DLG5: variants seen among roughly 807,000 people sequenced by gnomAD.
DLG5 encodes discs large MAGUK scaffold protein 5, also known as disks large homolog 5.
Under a neutral mutation model 189.8 loss-of-function variants are expected in DLG5, and 48 were observed. That is an observed-to-expected ratio of 0.25 (90% CI 0.20 to 0.32). The LOEUF (loss-of-function observed/expected upper bound fraction) is 0.32, where lower values mean the gene tolerates loss of function less well. Among genes scored for constraint, DLG5 ranks in the 10% least tolerant of loss-of-function variants. The pLI, the probability that DLG5 is intolerant of heterozygous loss-of-function variation, is 1.00. For synonymous variants in DLG5, 1,016 were observed against 1,054.1 expected (o/e 0.96, Z 0.70); for missense variants, 2,160 against 2,544.7 (o/e 0.85, Z 3.25).
chr10:77,830,859 G>T lies in DLG5; in HGVS notation c.1763C>A (p.Ser588Tyr), dbSNP rs545587114. The T allele has an allele frequency of 1.2e-6, 2 of 1,613,950 alleles. No individual in the cohort carries two copies. The highest frequency in any genetic ancestry group is 8.5e-7 in the Non-Finnish European group (1 of 1,180,006). Reference protein sequence around the residue: ...ELKELKEQMESQLEKEARFRQ... With the variant: ...ELKELKEQMEYQLEKEARFRQ... Reference sequence around the variant, plus strand: ...GAACCGGGCCTCCTTTTCCAACTGGGATTCCATCTGTTCCCTGTGAACAGA... The same window carrying T: ...GAACCGGGCCTCCTTTTCCAACTGGTATTCCATCTGTTCCCTGTGAACAGA... The change falls in exon 10 of 32, where the codon TCC becomes TAC. Residue 588 changes from serine to tyrosine, a missense_variant. This residue lies in a region of DLG5 where 664 missense variants were observed against 838.5 expected (regional missense o/e 0.79). Coordinates refer to ENST00000372391, the MANE Select transcript of DLG5 (RefSeq NM_004747.4).
chr10:77,820,991 G>C, intron 15 of DLG5, 91 bp downstream of exon 15: 1 of 1,481,342 alleles, frequency 6.8e-7, no homozygotes, highest in South Asian at 1.4e-5. Flanking sequence ...CAGGGGCCTG[G>C]GACACTGGTG....
chr10:77,897,549 CTGGT>C (rs1845798073), intron 1 of DLG5, among the ~76,000 whole-genome samples: 1 of 151,744 alleles, frequency 6.6e-6, no homozygotes, highest in Admixed American at 6.6e-5. Flanking sequence ...AAGAAAAAAT[CTGGT>C]TGGCTCATGC....
chr10:77,825,374 C>CCACACACAACCA (rs1842574248), intron 13 of DLG5, among the ~76,000 whole-genome samples: 1 of 130,816 alleles, frequency 7.6e-6, no homozygotes, highest in Non-Finnish European at 1.6e-5. Context: ...CCACACACAA[C>CCACACACAACCA]CACACACACA....
intron 1 of DLG5, among the ~76,000 whole-genome samples, chr10:77,888,922 ATCTCCAAACG>A (rs140761555): frequency 0.043 from 6,534 of 152,208 alleles, 293 homozygotes; most frequent in East Asian, 0.26. Context: ...AAACATTCAA[ATCTCCAAACG>A]TCTCCATTCC....
chr10:77,926,527 G>A lies in DLG5; in HGVS notation c.-7C>T, dbSNP rs753673225. On this transcript the variant is annotated 5_prime_UTR_variant, in exon 1 of 32. Transcript: ENST00000372391. The surrounding 1 kb of genome is among the most constrained non-coding windows in gnomAD (Gnocchi z 5.2). The stretch of plus-strand genomic sequence containing the variant: ...CCCGGCGCTGGGGCTCCATGGTGGC[G>A]GGCCGCGCCGCCCCGCCCCGCCGGA... The A allele has an allele frequency of 7.1e-6, 9 of 1,274,068 alleles. No homozygotes were observed. The highest frequency in any genetic ancestry group is 6.2e-5 in the African/African-American group (4 of 64,964). The allele number at this position is 1,274,068 out of a possible 1,614,324, so 78.9% of individuals were successfully genotyped here. A position where few individuals can be genotyped will look rare whatever the true frequency, so the allele number is the denominator to read the frequency against.
chr10:77,868,823 T>C (rs1010455360), intron 2 of DLG5: 6 of 412,750 alleles, frequency 1.5e-5, no homozygotes, highest in African/African-American at 1.1e-4. Flanking sequence ...GGTCACTGAG[T>C]TACTACAAGG....
chr10:77,845,872 G>A (rs1843662700), intron 5 of DLG5, among the ~76,000 whole-genome samples: 1 of 143,960 alleles, frequency 6.9e-6, no homozygotes, highest in South Asian at 2.2e-4. Flanking sequence ...TGCAAAACAG[G>A]AATGCACACT....
the DLG5 span, among the ~76,000 whole-genome samples, chr10:77,933,071 T>C: frequency 6.6e-6 from 1 of 150,952 alleles, no homozygotes; most frequent in African/African-American, 2.5e-5. Context: ...CAGTGCTGTC[T>C]GGGAGCATTA....
intron 2 of DLG5, among the ~76,000 whole-genome samples, chr10:77,859,102 C>T (rs887810485): frequency 1.3e-5 from 2 of 152,186 alleles, no homozygotes; most frequent in African/African-American, 4.8e-5. Flanking sequence ...TCTCAAACTT[C>T]TGAGCTCAAG....
chr10:77,836,831 A>T (rs1843162210), intron 7 of DLG5, among the ~76,000 whole-genome samples: 1 of 149,340 alleles, frequency 6.7e-6, no homozygotes, highest in African/African-American at 2.5e-5. Flanking sequence ...TTCAGTTTTG[A>T]TTTTTTTTTC....
chr10:77,859,598 A>G (rs1032029899), intron 2 of DLG5, among the ~76,000 whole-genome samples: 2 of 152,250 alleles, frequency 1.3e-5, no homozygotes, highest in Non-Finnish European at 2.9e-5. Context: ...TTTGCAGCTC[A>G]GGAGCAACAG....
intron 1 of DLG5, among the ~76,000 whole-genome samples, chr10:77,914,909 C>T (rs1846317949): frequency 6.6e-6 from 1 of 152,192 alleles, no homozygotes; most frequent in Admixed American, 6.5e-5. Context: ...GAATAATGAT[C>T]ACAAAACCAG....
At chr10:77,887,858 C>A (rs1013621932) in intron 1 of DLG5, among the ~76,000 whole-genome samples, 7 of 152,246 alleles carry the variant, frequency 4.6e-5, no homozygotes, top group Admixed American at 2.0e-4. Context: ...CAGAGCCACA[C>A]GCCTTTGTGT....
At chr10:77,844,449 A>G (rs1173496816) in intron 5 of DLG5, among the ~76,000 whole-genome samples, 1 of 152,208 alleles carries the variant, frequency 6.6e-6, no homozygotes, top group Non-Finnish European at 1.5e-5. Flanking sequence ...GAATCTTTTG[A>G]GTCCTCCCAG....
chr10:77,913,566 T>C (rs1846282181), intron 1 of DLG5, among the ~76,000 whole-genome samples: 1 of 152,196 alleles, frequency 6.6e-6, no homozygotes, highest in Non-Finnish European at 1.5e-5. Flanking sequence ...CTCTCTGTTC[T>C]TCCACATGTG....
chr10:77,938,496 A>G, the DLG5 span, among the ~76,000 whole-genome samples: 2 of 152,112 alleles, frequency 1.3e-5, no homozygotes, highest in East Asian at 1.9e-4. Context: ...GGGAGAGGAG[A>G]TTACTTGTTT....
At position 77,841,589 on chromosome 10, in the gene DLG5, C is replaced by T. The variant is rs565809196; in HGVS notation, c.1437+292G>A. On this transcript the variant is annotated intron_variant, in intron 7 of 31. Coordinates refer to ENST00000372391, the MANE Select transcript of DLG5 (RefSeq NM_004747.4). ...TCACTGACTTCAGCATGGGACTGAT[C>T]TGCAATTACGTAGCAATGGGTTTGG... Among the ~76,000 whole-genome samples, 34 of 152,320 alleles carry T rather than the reference C, an allele frequency of 2.2e-4. No homozygotes were observed. In the South Asian group the frequency reaches 7.0e-3, roughly 32 times the overall value.
chr10:77,825,750 T>A (rs1313569936), intron 13 of DLG5, among the ~76,000 whole-genome samples: 2 of 151,692 alleles, frequency 1.3e-5, no homozygotes, highest in Non-Finnish European at 2.9e-5. Context: ...AGAGATGGGG[T>A]TTCATTGTGT....
chr10:77,894,543 CTTTTTTTT>C (rs35379334), intron 1 of DLG5, among the ~76,000 whole-genome samples: 2 of 95,922 alleles, frequency 2.1e-5, no homozygotes, highest in African/African-American at 8.3e-5. Flanking sequence ...AAGAATAAAG[CTTTTTTTT>C]TTTTTTTTTT....
Sources: gnomAD v4.1 joint callset for allele counts (sites outside exome capture counted in the v4.1 genomes callset) on GRCh38, gnomAD v4.1.1 for gene constraint, gnomAD v4.1.1 regional missense constraint, Gnocchi (gnomAD v3.1) non-coding constraint, MANE v1.5 for transcripts, NCBI Gene and HGNC (gene_info 2026-07-23, HGNC 2026-07-21) for gene names.